Variants in C5orf52 observed in about 807,000 individuals in gnomAD.
C5orf52 encodes chromosome 5 open reading frame 52.
C5orf52 carries 15 observed loss-of-function variants against 16.8 expected under a neutral mutation model. The observed-to-expected ratio is 0.89, with a 90% CI of 0.60 to 1.38. C5orf52 has a LOEUF of 1.38. C5orf52 is among the 40% of genes most tolerant of loss of function. The probability of loss-of-function intolerance (pLI) is 0.00; values close to 1 mark genes in which losing one functional copy is unlikely to be tolerated. For synonymous variants in C5orf52, 83 were observed against 87.2 expected (o/e 0.95, Z 0.27); for missense variants, 206 against 213.1 (o/e 0.97, Z 0.21).
At position 157,679,863 on chromosome 5, in the gene C5orf52, A is replaced by G. The variant is rs1485517685; in HGVS notation, c.344A>G (p.Lys115Arg). ...AAGGTGAGCGCTTTAGAGAAGACCAAGAAAAAGATCAGCCACTACTATGAA... is the reference window on the plus strand; with the variant it reads ...AAGGTGAGCGCTTTAGAGAAGACCAGGAAAAAGATCAGCCACTACTATGAA... ...EMEVSALEKT[K>R]KKISHYYEHL... The change falls in exon 3 of 3, where the codon AAG (lysine) becomes AGG (arginine). Residue 115 changes from lysine (K) to arginine (R), a missense_variant. Transcript: ENST00000409999. 1 of 1,551,176 alleles carries G rather than the reference A, an allele frequency of 6.4e-7. No individual in the cohort carries two copies. The highest frequency in any genetic ancestry group is 8.7e-7 in the Non-Finnish European group (1 of 1,146,904).
Position 157,671,827 on chromosome 5 carries a change from G to C in C5orf52, c.212+1G>C. ...CCGCGCAGCAGCCGGTGCTGTTCAG[G>C]TGTGGCCCGCATGCCCAGAGCGTTC... On this transcript the variant is annotated splice_donor_variant, in intron 1 of 2. Transcript: ENST00000409999. LOFTEE classifies it high-confidence loss of function. 1 of 1,513,624 alleles carries C rather than the reference G, an allele frequency of 6.6e-7. No homozygotes were observed. The highest frequency in any genetic ancestry group is 8.9e-7 in the Non-Finnish European group (1 of 1,127,172). 93.8% of individuals were successfully genotyped at this position (1,513,624 alleles called of 1,614,324 possible). A position where few individuals can be genotyped will look rare whatever the true frequency, so the allele number is the denominator to read the frequency against.
Position 157,680,003 on chromosome 5 carries a change from CCA to C in C5orf52, c.*5_*6del, listed in dbSNP as rs1380059054. 2 of 1,550,604 alleles carry C rather than the reference CCA, an allele frequency of 1.3e-6. No individual in the cohort carries two copies. The highest frequency in any genetic ancestry group is 1.7e-6 in the Non-Finnish European group (2 of 1,146,648). Reference sequence around the variant, plus strand: ...CGGGATACCACCACCAGTTTAAACTCCAGTCTCCCAAGAAAGGCCAACCACCC... The same window carrying C: ...CGGGATACCACCACCAGTTTAAACTCGTCTCCCAAGAAAGGCCAACCACCC... On this transcript the variant is annotated 3_prime_UTR_variant, in exon 3 of 3. Coordinates refer to ENST00000409999, the MANE Select transcript of C5orf52 (RefSeq NM_001145132.2).
intron 2 of C5orf52, among the ~76,000 whole-genome samples, chr5:157,677,660 AAAAAAAAAAG>A (rs1285921972): frequency 1.4e-5 from 2 of 139,966 alleles, no homozygotes; most frequent in African/African-American, 5.9e-5. Flanking sequence ...CTCTCAAAAA[AAAAAAAAAAG>A]AAAAGAAAAG....
chr5:157,671,457 C>G (rs114950542), upstream of C5orf52: 10 of 627,568 alleles, frequency 1.6e-5, no homozygotes, highest in African/African-American at 1.5e-4. Flanking sequence ...CAACAGCCCC[C>G]GTCCCCTTCC....
Position 157,679,974 on chromosome 5 carries a change from C to T in C5orf52, c.455C>T (p.Thr152Ile). The change falls in exon 3 of 3, where the codon ACC (threonine) becomes ATC (isoleucine). Residue 152 changes from threonine (T) to isoleucine (I), a missense_variant. By Grantham distance (89) the Thr-to-Ile change is moderately conservative. Transcript: ENST00000409999. ...EESVNSNRYL[T>I]FGIPPPV Reference sequence around the variant, plus strand: ...TCCGTGAACAGCAACCGGTACTTAACCTTCGGGATACCACCACCAGTTTAA... The same window carrying T: ...TCCGTGAACAGCAACCGGTACTTAATCTTCGGGATACCACCACCAGTTTAA... 3 of 1,551,596 alleles carry T rather than the reference C, an allele frequency of 1.9e-6. No individual in the cohort carries two copies. The highest frequency in any genetic ancestry group is 2.6e-6 in the Non-Finnish European group (3 of 1,146,984).
intron 2 of C5orf52, among the ~76,000 whole-genome samples, chr5:157,676,089 T>G (rs536756838): frequency 2.0e-5 from 3 of 152,278 alleles, no homozygotes; most frequent in East Asian, 1.9e-4. Context: ...CTTTTCTTTT[T>G]TGAGACAGAA....
At chr5:157,673,515 C>T (rs1759836059) in intron 1 of C5orf52, among the ~76,000 whole-genome samples, 1 of 152,038 alleles carries the variant, frequency 6.6e-6, no homozygotes, top group South Asian at 2.1e-4. Context: ...TTCTAGTAAC[C>T]TGCTTTCTTC....
chr5:157,671,581 A>G lies in C5orf52; in HGVS notation c.-34A>G, dbSNP rs1171806655. ...CTAGGTGGGCTGGCAACCAGCCACCAGTTTCCAACTCTTTCTCCAACAGGG... is the reference window on the plus strand; with the variant it reads ...CTAGGTGGGCTGGCAACCAGCCACCGGTTTCCAACTCTTTCTCCAACAGGG... On this transcript the variant is annotated 5_prime_UTR_variant, in exon 1 of 3. Coordinates refer to ENST00000409999, the MANE Select transcript of C5orf52 (RefSeq NM_001145132.2). 5.9e-6 allele frequency: 9 copies of G among 1,519,172 alleles called. No individual in the cohort carries two copies. The East Asian group carries it at 2.0e-4, about 33-fold the overall frequency. The allele number at this position is 1,519,172 out of a possible 1,614,324, so 94.1% of individuals were successfully genotyped here.
rs796292144 is a variant in C5orf52, at chr5:157,677,661, AAAAAAAAAGAAAAG to A, written c.322-2175_322-2162del. Among the ~76,000 whole-genome samples the A allele has an allele frequency of 2.2e-3, 317 of 142,750 alleles. 2 individuals carry two copies. The highest frequency in any genetic ancestry group is 8.2e-3 in the African/African-American group (295 of 35,968). The allele number at this position is 142,750 out of a possible 152,430, so 93.6% of individuals were successfully genotyped here. On this transcript the variant is annotated intron_variant, in intron 2 of 2. Transcript: ENST00000409999. ...AAGAGTGAAACTCCCTCTCAAAAAA[AAAAAAAAAGAAAAG>A]AAAAGAAAAGAAAATGGTGGTAATA...
chr5:157,672,164 AT>A, intron 1 of C5orf52, among the ~76,000 whole-genome samples: 1 of 151,828 alleles, frequency 6.6e-6, no homozygotes, highest in Non-Finnish European at 1.5e-5. Context: ...CCCTAGGGGG[AT>A]GAGCCCTGAC....
Position 157,679,932 on chromosome 5 carries a change from G to A in C5orf52, c.413G>A (p.Gly138Glu). 6.4e-7 allele frequency: 1 copy of A among 1,551,730 alleles called. No homozygotes were observed. Among genetic ancestry groups the A allele is most frequent in the South Asian group, 1.2e-5 (1 of 84,054 alleles). Residue 138 changes from glycine (G) to glutamate (E), a missense_variant, in exon 3 of 3, where the codon GGG (glycine) becomes GAG (glutamate). Transcript: ENST00000409999. The stretch of plus-strand genomic sequence containing the variant: ...ATGACAGAGCAGCTCAGAAAGCTCG[G>A]GCGATGGAGAGAGGAATCCGTGAAC... Reference protein sequence around the residue: ...KFMTEQLRKLGRWREESVNSN... With the variant: ...KFMTEQLRKLERWREESVNSN...
intron 1 of C5orf52, among the ~76,000 whole-genome samples, chr5:157,673,769 C>T (rs1335648639): frequency 2.6e-5 from 4 of 151,962 alleles, no homozygotes; most frequent in African/African-American, 4.8e-5. Flanking sequence ...CCCAGCCTCC[C>T]GAGTAGCTGG....
chr5:157,673,513 A>T (rs1010255825), intron 1 of C5orf52, among the ~76,000 whole-genome samples: 1 of 152,164 alleles, frequency 6.6e-6, no homozygotes, highest in Non-Finnish European at 1.5e-5. Context: ...GTTTCTAGTA[A>T]CCTGCTTTCT....
chr5:157,678,857 G>A (rs1274392060), intron 2 of C5orf52, among the ~76,000 whole-genome samples: 5 of 152,084 alleles, frequency 3.3e-5, no homozygotes, highest in Admixed American at 6.5e-5. Flanking sequence ...CATGTGGGCC[G>A]GGCACGGTGG....
At chr5:157,679,400 G>A (rs192106110) in intron 2 of C5orf52, among the ~76,000 whole-genome samples, 9 of 152,080 alleles carry the variant, frequency 5.9e-5, no homozygotes, top group South Asian at 2.1e-4. Flanking sequence ...GCTGTGGTGC[G>A]GTCTCGGCTT....
intron 2 of C5orf52, among the ~76,000 whole-genome samples, chr5:157,675,957 G>A (rs1759886744): frequency 6.6e-6 from 1 of 152,098 alleles, no homozygotes; most frequent in South Asian, 2.1e-4. Flanking sequence ...TGTCCTTAGG[G>A]CCTGCTTGGG....
intron 2 of C5orf52, among the ~76,000 whole-genome samples, chr5:157,677,654 C>CAAAA (rs34801673): frequency 1.2e-4 from 14 of 117,002 alleles, no homozygotes; most frequent in Middle Eastern, 4.5e-3. Flanking sequence ...AACTCCCTCT[C>CAAAA]AAAAAAAAAA....
At position 157,671,625 on chromosome 5, in the gene C5orf52, C is replaced by T. The variant is rs1259164890; in HGVS notation, c.11C>T (p.Pro4Leu). The stretch of plus-strand genomic sequence containing the variant: ...AACAGGGAAGCCGCAATGACACAGC[C>T]GACTAGGCCCTCGGTCACCTGTGAC... MTQPTRPSVTCDQG... is the reference protein window; with the variant it reads MTQLTRPSVTCDQG... Residue 4 changes from proline (P) to leucine (L), a missense_variant, in exon 1 of 3, where the codon CCG (proline) becomes CTG (leucine). By Grantham distance (98) the Pro-to-Leu change is moderately conservative. Transcript: ENST00000409999. 5.2e-6 allele frequency: 8 copies of T among 1,549,432 alleles called. 1 individual carries two copies. The East Asian group carries it at 1.7e-4, about 33-fold the overall frequency.
chr5:157,676,878 T>TTC (rs1561595851), intron 2 of C5orf52, among the ~76,000 whole-genome samples: 5 of 141,808 alleles, frequency 3.5e-5, no homozygotes, highest in African/African-American at 5.5e-5. Flanking sequence ...TTTCTTTTTT[T>TTC]TTTTTTTTGA....
Sources: gnomAD v4.1 joint callset for allele counts (sites outside exome capture counted in the v4.1 genomes callset) on GRCh38, gnomAD v4.1.1 for gene constraint, MANE v1.5 for transcripts, NCBI Gene and HGNC (gene_info 2026-07-23, HGNC 2026-07-21) for gene names.